NCSTN: variants seen among roughly 807,000 people sequenced by gnomAD.
The protein encoded by NCSTN is anterior pharynx-defective 2.
In NCSTN, 22 loss-of-function variants were observed where a neutral mutation model predicts 87.0. That is an observed-to-expected ratio of 0.25 (90% CI 0.18 to 0.36). NCSTN has a LOEUF of 0.36. Ranked by LOEUF, NCSTN falls within the 10% of genes least tolerant of loss-of-function variation. The pLI is 1.00. For missense variants in NCSTN, 693 were observed against 883.3 expected (o/e 0.78, Z 2.73); for synonymous variants, 306 against 327.1 (o/e 0.94, Z 0.69).
chr1:160,352,806 C>A, intron 8 of NCSTN, 81 bp from the exon 9 acceptor site: 1 of 1,075,620 alleles, frequency 9.3e-7, no homozygotes, highest in Non-Finnish European at 1.4e-6. Flanking sequence ...TTACCTACAG[C>A]TTTGATGATC....
chr1:160,344,696 T>A, intron 1 of NCSTN, 26 bp from the exon 2 acceptor site: 2 of 1,611,878 alleles, frequency 1.2e-6, no homozygotes, highest in Non-Finnish European at 8.5e-7. Flanking sequence ...CTCAAATTTT[T>A]CTAACACTTT....
Sources: gnomAD v4.1 joint callset for allele counts on GRCh38, gnomAD v4.1.1 for gene constraint, MANE v1.5 for transcripts, NCBI Gene and HGNC (gene_info 2026-07-23, HGNC 2026-07-21) for gene names.